The following CCDC171 variants were observed in gnomAD, a reference collection of about 807,000 sequenced individuals.
CCDC171 encodes the protein coiled-coil domain containing 171.
CCDC171 carries 177 observed loss-of-function variants against 168.2 expected under a neutral mutation model. That is an observed-to-expected ratio of 1.05 (90% CI 0.93 to 1.19). The LOEUF is 1.19. Ranked by LOEUF, CCDC171 falls within the 50% of genes most tolerant of loss-of-function variation. The pLI, the probability that CCDC171 is intolerant of heterozygous loss-of-function variation, is 0.00. For synonymous variants in CCDC171, 687 were observed against 540.8 expected, an observed-to-expected ratio of 1.27 and a Z score of -3.75; for missense variants, 1,991 against 1,539.0, an observed-to-expected ratio of 1.29 and a Z score of -4.91.
chr9:15,982,346 G>A (rs991429669), intron 3 of CCDC171, among the ~76,000 whole-genome samples: 4 of 152,092 alleles, frequency 2.6e-5, no homozygotes, highest in African/African-American at 4.8e-5. Flanking sequence ...ATTTAACCTC[G>A]TGAACCTCAG....
chr9:16,074,607 C>T, the CCDC171 span, among the ~76,000 whole-genome samples: 1 of 152,002 alleles, frequency 6.6e-6, no homozygotes, highest in African/African-American at 2.4e-5. Flanking sequence ...CTATGAAAGG[C>T]TAATAATTCA....
intron 3 of CCDC171, among the ~76,000 whole-genome samples, chr9:15,572,500 T>A (rs1288386836): frequency 6.6e-6 from 1 of 152,202 alleles, no homozygotes; most frequent in Non-Finnish European, 1.5e-5. Flanking sequence ...GAACTGCTGG[T>A]CCCAAAGGGT....
intron 18 of CCDC171, among the ~76,000 whole-genome samples, chr9:15,774,882 C>T (rs1193493477): frequency 6.6e-6 from 1 of 152,186 alleles, no homozygotes; most frequent in African/African-American, 2.4e-5. Flanking sequence ...TATGTTCTCA[C>T]TCATATGTGG....
chr9:16,008,365 T>C (rs1832767554), intron 3 of CCDC171, among the ~76,000 whole-genome samples: 1 of 152,234 alleles, frequency 6.6e-6, no homozygotes, highest in African/African-American at 2.4e-5. Flanking sequence ...TGTGGCACCA[T>C]ACTAGGTTTC....
At chr9:16,088,028 T>A in the CCDC171 span, among the ~76,000 whole-genome samples, 1 of 152,164 alleles carries the variant, frequency 6.6e-6, no homozygotes, top group East Asian at 1.9e-4. Context: ...TCCACCACGA[T>A]CAACTTGGCT....
chr9:15,591,415 T>A lies in CCDC171; in HGVS notation c.402T>A (p.Phe134Leu). 2 of 1,609,144 alleles carry A rather than the reference T, an allele frequency of 1.2e-6. No homozygotes were observed. Among genetic ancestry groups the A allele is most frequent in the Non-Finnish European group, 1.7e-6 (2 of 1,178,224 alleles). ...AGACAAATGAGACTGAGAAAGCATT[T>A]CAGACTTCTCAGCAAAAATGGAAAG... ...QAKTNETEKA[F>L]QTSQQKWKEE... is the part of the protein sequence containing the mutation. The change falls in exon 5 of 26, where the codon TTT becomes TTA. Residue 134 changes from phenylalanine (F) to leucine (L), a missense_variant. Physicochemically the swap from Phe to Leu is conservative, Grantham distance 22 (BLOSUM62 0). Transcript: ENST00000380701.
chr9:15,580,459 G>A (rs1273880527), intron 4 of CCDC171, among the ~76,000 whole-genome samples: 1 of 152,010 alleles, frequency 6.6e-6, no homozygotes, highest in Non-Finnish European at 1.5e-5. Flanking sequence ...GCACAGACTG[G>A]GAGAAAATAT....
intron 21 of CCDC171, among the ~76,000 whole-genome samples, chr9:15,789,935 C>A (rs917841390): frequency 2.0e-5 from 3 of 152,090 alleles, no homozygotes; most frequent in Non-Finnish European, 4.4e-5. Context: ...ATGAACTCAT[C>A]CTTTTTTATG....
Position 15,745,593 on chromosome 9 carries a change from G to T in CCDC171, c.2633G>T (p.Ser878Ile). Residue 878 changes from serine (S) to isoleucine (I), a missense_variant, in exon 18 of 26, where the codon AGT becomes ATT. Transcript: ENST00000380701. ...TSSDLLAAII[S>I]SMAELQDVIG... Reference sequence around the variant, plus strand: ...TCTGACCTTCTTGCTGCAATAATCAGTTCTATGGCTGAATTACAAGACGTC... The same window carrying T: ...TCTGACCTTCTTGCTGCAATAATCATTTCTATGGCTGAATTACAAGACGTC... The T allele has an allele frequency of 6.4e-7, 1 of 1,570,936 alleles. No homozygotes were observed. Among genetic ancestry groups the T allele is most frequent in the Non-Finnish European group, 8.6e-7 (1 of 1,161,174 alleles).
intron 11 of CCDC171, among the ~76,000 whole-genome samples, chr9:15,718,009 G>C (rs2053204779): frequency 9.2e-6 from 1 of 108,694 alleles, no homozygotes; most frequent in African/African-American, 2.6e-5. Context: ...GCCACAGGGT[G>C]GTAGAGCACC....
chr9:15,792,053 G>A (rs1053136047), intron 21 of CCDC171, among the ~76,000 whole-genome samples: 2 of 152,082 alleles, frequency 1.3e-5, no homozygotes, highest in Non-Finnish European at 2.9e-5. Context: ...GGAACCCATC[G>A]CAAAGAAGCT....
chr9:15,665,305 C>T (rs1339105398), intron 8 of CCDC171, among the ~76,000 whole-genome samples: 1 of 151,892 alleles, frequency 6.6e-6, no homozygotes, highest in Non-Finnish European at 1.5e-5. Flanking sequence ...GAAGTAAATC[C>T]CAGATATCAA....
At chr9:15,663,645 A>G (rs1351540852) in intron 8 of CCDC171, among the ~76,000 whole-genome samples, 5 of 140,882 alleles carry the variant, frequency 3.5e-5, no homozygotes, top group Non-Finnish European at 7.5e-5. Flanking sequence ...TCGCTCTGTC[A>G]CCCAGGCTGG....
chr9:15,831,370 T>G (rs898323806), intron 21 of CCDC171, among the ~76,000 whole-genome samples: 5 of 152,196 alleles, frequency 3.3e-5, no homozygotes, highest in African/African-American at 1.2e-4. Flanking sequence ...ATAGATCATG[T>G]AATAAAAGAG....
chr9:15,730,844 A>C (rs746164313), intron 16 of CCDC171, among the ~76,000 whole-genome samples: 8 of 152,032 alleles, frequency 5.3e-5, no homozygotes, highest in Non-Finnish European at 1.0e-4. Context: ...TATTGAAGTA[A>C]AAGAGCTAAA....
chr9:15,923,789 A>T (rs897776155), intron 25 of CCDC171, among the ~76,000 whole-genome samples: 1 of 151,386 alleles, frequency 6.6e-6, no homozygotes, highest in Non-Finnish European at 1.5e-5. Flanking sequence ...AAAAATAGAG[A>T]ACTTTTTTTC....
chr9:15,629,399 A>T (rs1032450544), intron 7 of CCDC171, among the ~76,000 whole-genome samples: 1 of 152,220 alleles, frequency 6.6e-6, no homozygotes, highest in East Asian at 1.9e-4. Context: ...TCAGGAGCCG[A>T]TGCTATCAAC....
intron 24 of CCDC171, among the ~76,000 whole-genome samples, chr9:15,903,497 GA>G (rs201326044): frequency 0.12 from 18,133 of 151,888 alleles, 1,135 homozygotes; most frequent in Non-Finnish European, 0.14. Flanking sequence ...AAAACTAACA[GA>G]AAGGACATCC....
chr9:15,895,986 C>T (rs1050575494), intron 24 of CCDC171, among the ~76,000 whole-genome samples: 16 of 151,908 alleles, frequency 1.1e-4, no homozygotes, highest in African/African-American at 3.9e-4. Context: ...TGTCCATATG[C>T]AATGGTTTTC....
Sources: allele counts gnomAD v4.1 joint callset (sites outside exome capture counted in the v4.1 genomes callset), GRCh38; gene constraint gnomAD v4.1.1; transcripts MANE v1.5; gene names NCBI Gene and HGNC (gene_info 2026-07-23, HGNC 2026-07-21).